HLA-DPA1: variants seen among roughly 807,000 people sequenced by gnomAD.
The protein encoded by HLA-DPA1 is major histocompatibility complex, class II, DP alpha 1.
HLA-DPA1 carries 20 observed loss-of-function variants against 21.5 expected under a neutral mutation model. That is an observed-to-expected ratio of 0.93 (90% CI 0.66 to 1.35). The LOEUF is 1.35. Ranked by LOEUF, HLA-DPA1 falls within the 40% of genes most tolerant of loss-of-function variation. HLA-DPA1 has a pLI of 0.00. For synonymous variants in HLA-DPA1, 123 were observed against 129.6 expected (o/e 0.95, Z 0.35); for missense variants, 279 against 323.0 (o/e 0.86, Z 1.05).
intron 1 of HLA-DPA1, among the ~76,000 whole-genome samples, chr6:33,075,141 G>A (rs1173976358): frequency 6.6e-6 from 1 of 151,982 alleles, no homozygotes; most frequent in Non-Finnish European, 1.5e-5. Context: ...GGTCTTTGAT[G>A]ATTTTTTTTC....
rs1762154178 is a variant in HLA-DPA1 at position 33,069,624 on chromosome 6, G to A, written c.346+17C>T. The A allele has an allele frequency of 6.2e-7, 1 of 1,611,126 alleles. No individual in the cohort carries two copies. The highest frequency in any genetic ancestry group is 1.3e-5 in the African/African-American group (1 of 74,712). On this transcript the variant is annotated intron_variant, in intron 3 of 5. Transcript: ENST00000419277. ...TTCCAGTTGGGCTACAGAGGAAGAG[G>A]CAAAGATAGGGCGTACCGTTGGTGG...
chr6:33,069,852 C>T lies in HLA-DPA1; in HGVS notation c.135G>A (p.Gln45=), dbSNP rs41555919. The T allele has an allele frequency of 1.7e-3, 2,807 of 1,609,202 alleles. 7 individuals are homozygous for T. The highest frequency in any genetic ancestry group is 2.3e-3 in the Admixed American group (140 of 59,992). ...TAAACTCCCCTGTTGGTCTATGCGT[C>T]TGTACAAACGCGGCATAAGTTGACA... The change falls in exon 3 of 6, where the codon CAG becomes CAA. Residue 45 remains glutamine, a synonymous_variant. Transcript: ENST00000419277.
exon 4 of HLA-DPA1, chr6:33,069,099 G>A: frequency 1.2e-6 from 2 of 1,613,040 alleles, no homozygotes; most frequent in Non-Finnish European, 1.7e-6. Context: ...GGGCACAAAG[G>A]TCAGGTAATG....
At chr6:33,071,978 T>C (rs13213265) in intron 2 of HLA-DPA1, among the ~76,000 whole-genome samples, 42,677 of 150,372 alleles carry the variant, frequency 0.28, 8,059 homozygotes, top group East Asian at 0.66. Context: ...TAGTGGCAGG[T>C]GCAGGTTAAA....
At chr6:33,067,485 A>G (rs1717772521) in intron 5 of HLA-DPA1, 1 of 152,184 alleles carries the variant, frequency 6.6e-6, no homozygotes, top group African/African-American at 2.4e-5. Flanking sequence ...CCCCAACAGA[A>G]GCAGATGCTA....
Position 33,074,105 on chromosome 6 carries a change from C to T in HLA-DPA1, c.-99-436G>A, listed in dbSNP as rs117982231. Among the ~76,000 whole-genome samples the T allele has an allele frequency of 3.5e-3, 540 of 152,172 alleles. 3 individuals carry two copies. The highest frequency in any genetic ancestry group is 0.026 in the East Asian group (133 of 5,188). ...CTTTCAGGTCCACCTCCCTGAGATA[C>T]CTCCTTTTTATTTAATCATTTCTGC... On this transcript the variant is annotated intron_variant, in intron 1 of 5. Coordinates refer to ENST00000419277, the Ensembl canonical transcript of HLA-DPA1.
chr6:33,076,274 C>A (rs1762533096), intron 1 of HLA-DPA1: 1 of 637,924 alleles, frequency 1.6e-6, no homozygotes, highest in Admixed American at 2.8e-5. Context: ...CTCTTCCCAG[C>A]TAGAGAAAGA....
rs1762108790 is a variant in HLA-DPA1, at chr6:33,068,984, G to A, written c.628+35C>T. ...ACACCAGGTCTTTGGAATAGAGGATGCCAGGAGATTATGGAGAGAAAAGCA... is the reference window on the plus strand; with the variant it reads ...ACACCAGGTCTTTGGAATAGAGGATACCAGGAGATTATGGAGAGAAAAGCA... On this transcript the variant is annotated intron_variant, in intron 4 of 5. Transcript: ENST00000419277. 6 of 1,605,682 alleles carry A rather than the reference G, an allele frequency of 3.7e-6. No individual in the cohort carries two copies. In the East Asian group the frequency reaches 1.1e-4, roughly 30 times the overall value.
intron 1 of HLA-DPA1, among the ~76,000 whole-genome samples, chr6:33,076,379 G>GTATGGT (rs9282410): frequency 1.3e-5 from 2 of 151,756 alleles, no homozygotes; most frequent in South Asian, 4.1e-4. Context: ...CCAGTGGTCA[G>GTATGGT]TGTCTTTGGG....
chr6:33,079,985 T>C (rs532721828), intron 1 of HLA-DPA1: 3 of 220,618 alleles, frequency 1.4e-5, no homozygotes, highest in East Asian at 1.2e-4. Context: ...GTGATTTTCA[T>C]TGTGTAAAAT....
At position 33,080,512 on chromosome 6, in the gene HLA-DPA1, C is replaced by T. The variant is rs1450574181; in HGVS notation, c.-100+168G>A. 1 of 1,041,436 alleles carries T rather than the reference C, an allele frequency of 9.6e-7. No individual in the cohort carries two copies. Among genetic ancestry groups the T allele is most frequent in the Non-Finnish European group, 1.5e-6 (1 of 683,062 alleles). The allele number at this position is 1,041,436 out of a possible 1,614,324, so 64.5% of individuals were successfully genotyped here. On this transcript the variant is annotated intron_variant, in intron 1 of 5. Coordinates refer to ENST00000419277, the Ensembl canonical transcript of HLA-DPA1. The surrounding 1 kb of genome is among the most constrained non-coding windows in gnomAD (Gnocchi z 4.3). The stretch of plus-strand genomic sequence containing the variant: ...AAACAGGCCTGGAGAGGCTCTGCGA[C>T]CCGCTTAGGACCACAGAACTCGGTA...
At chr6:33,067,964 T>A (rs1387067654) in intron 5 of HLA-DPA1, 1 of 152,154 alleles carries the variant, frequency 6.6e-6, no homozygotes, top group African/African-American at 2.4e-5. Context: ...TAATAATGAA[T>A]TAGATGTGGT....
chr6:33,070,399 A>T (rs939992778), intron 2 of HLA-DPA1, among the ~76,000 whole-genome samples: 1 of 152,182 alleles, frequency 6.6e-6, no homozygotes, highest in African/African-American at 2.4e-5. Flanking sequence ...TCTCCCATTA[A>T]GATCTTAATT....
chr6:33,070,997 G>A (rs1762248965), intron 2 of HLA-DPA1, among the ~76,000 whole-genome samples: 1 of 152,188 alleles, frequency 6.6e-6, no homozygotes, highest in African/African-American at 2.4e-5. Flanking sequence ...AACGATGAAT[G>A]TGTATGTGAA....
chr6:33,069,542 C>A, intron 3 of HLA-DPA1, 99 bp downstream of exon 2: 3 of 1,439,260 alleles, frequency 2.1e-6, no homozygotes, highest in Non-Finnish European at 2.9e-6. Context: ...GAGGATCACA[C>A]AGCAGGGGGC....
intron 3 of HLA-DPA1, 146 bp from the exon 3 acceptor site, chr6:33,069,446 C>A: frequency 9.7e-7 from 1 of 1,028,926 alleles, no homozygotes; most frequent in Non-Finnish European, 1.4e-6. Context: ...CACTGACCAG[C>A]CTCACTCTGC....
At chr6:33,080,740 T>G (rs41553416), upstream of HLA-DPA1, 11 of 1,611,706 alleles carry the variant, frequency 6.8e-6, no homozygotes, top group Admixed American at 1.7e-5. This position sits in a 1 kb window ranked among gnomAD's most constrained non-coding sequence, Gnocchi z 4.3. Flanking sequence ...CCTGGAGAGA[T>G]ACATCTACAA....
chr6:33,077,921 G>A (rs7750458), intron 1 of HLA-DPA1, among the ~76,000 whole-genome samples: 14,827 of 152,202 alleles, frequency 0.097, 790 homozygotes, highest in Middle Eastern at 0.18. Context: ...ACTTGAACTT[G>A]TAGTCACAGA....
chr6:33,076,496 G>C (rs558499836), intron 1 of HLA-DPA1, among the ~76,000 whole-genome samples: 1 of 152,298 alleles, frequency 6.6e-6, no homozygotes, highest in South Asian at 2.1e-4. Flanking sequence ...CATCCAGCCT[G>C]GAGGGGACTC....
Sources: gnomAD v4.1 joint callset for allele counts (sites outside exome capture counted in the v4.1 genomes callset) on GRCh38, gnomAD v4.1.1 for gene constraint, Gnocchi (gnomAD v3.1) non-coding constraint, MANE v1.5 for transcripts, NCBI Gene and HGNC (gene_info 2026-07-23, HGNC 2026-07-21) for gene names.